ATP6V1G3: variants seen among roughly 807,000 people sequenced by gnomAD.
ATP6V1G3 encodes ATPase H+ transporting V1 subunit G3.
In ATP6V1G3, 9 loss-of-function variants were observed where a neutral mutation model predicts 9.3. That is an observed-to-expected ratio of 0.97 (90% confidence interval 0.59 to 1.69). The LOEUF is 1.69. Among genes scored for constraint, ATP6V1G3 ranks in the 40% most tolerant of loss-of-function variants. The probability of loss-of-function intolerance (pLI) is 0.00; values close to 1 mark genes in which losing one functional copy is unlikely to be tolerated. For missense variants in ATP6V1G3, 133 were observed against 139.0 expected, an observed-to-expected ratio of 0.96 and a Z score of 0.22; for synonymous variants, 43 against 43.8, an observed-to-expected ratio of 0.98 and a Z score of 0.07.
intron 1 of ATP6V1G3, among the ~76,000 whole-genome samples, chr1:198,538,045 G>A (rs1180692000): frequency 1.3e-5 from 2 of 152,170 alleles, no homozygotes; most frequent in Non-Finnish European, 2.9e-5. Context: ...AAGAGGACAG[G>A]CTGACATTCT....
chr1:198,532,187 T>C (rs983469622), intron 1 of ATP6V1G3, among the ~76,000 whole-genome samples: 1 of 152,134 alleles, frequency 6.6e-6, no homozygotes, highest in African/African-American at 2.4e-5. Context: ...GTTATAGCAA[T>C]GGGATTTAGA....
chr1:198,534,296 C>A (rs932437094), intron 1 of ATP6V1G3, among the ~76,000 whole-genome samples: 4 of 152,122 alleles, frequency 2.6e-5, no homozygotes, highest in African/African-American at 9.7e-5. Context: ...TCAGAGCAGA[C>A]ACACAGGGAG....
chr1:198,533,040 T>C (rs995297406), intron 1 of ATP6V1G3, among the ~76,000 whole-genome samples: 2 of 152,138 alleles, frequency 1.3e-5, no homozygotes, highest in Non-Finnish European at 2.9e-5. Flanking sequence ...GCACGGTGGC[T>C]CATGCCTGTA....
chr1:198,523,372 TGAAAAC>T lies in ATP6V1G3; in HGVS notation c.*13_*18del. On this transcript the variant is annotated 3_prime_UTR_variant, in exon 3 of 3. Transcript: ENST00000367382. ...GGCACTCACACACCTTTTTTTTTCTTGAAAACTGTGATGTACATTTAGTTGGTGGCT... is the reference window on the plus strand; with the variant it reads ...GGCACTCACACACCTTTTTTTTTCTTTGTGATGTACATTTAGTTGGTGGCT... 3 of 1,603,522 alleles carry T rather than the reference TGAAAAC, an allele frequency of 1.9e-6. No homozygotes were observed. Among genetic ancestry groups the T allele is most frequent in the Admixed American group, 3.4e-5 (2 of 58,042 alleles).
upstream of ATP6V1G3, chr1:198,540,917 A>G: frequency 2.1e-6 from 1 of 483,418 alleles, no homozygotes; most frequent in Non-Finnish European, 3.7e-6. Context: ...ATAAGGAGGT[A>G]TAAATGAGGT....
chr1:198,537,859 C>T (rs895839500), intron 1 of ATP6V1G3, among the ~76,000 whole-genome samples: 2 of 152,190 alleles, frequency 1.3e-5, no homozygotes, highest in African/African-American at 2.4e-5. Flanking sequence ...ACAAAAACCA[C>T]TGAAACATTA....
intron 1 of ATP6V1G3, among the ~76,000 whole-genome samples, chr1:198,537,513 A>C (rs1196857044): frequency 6.6e-6 from 1 of 152,204 alleles, no homozygotes; most frequent in African/African-American, 2.4e-5. Context: ...AATGGATTTA[A>C]GAAAGAGAAA....
At chr1:198,527,223 G>A (rs762096785) in intron 2 of ATP6V1G3, among the ~76,000 whole-genome samples, 1 of 152,162 alleles carries the variant, frequency 6.6e-6, no homozygotes, top group Admixed American at 6.6e-5. Context: ...GTCATGCCAA[G>A]GAGAGAAGAT....
At chr1:198,528,237 GTTA>G (rs1324600453) in intron 2 of ATP6V1G3, among the ~76,000 whole-genome samples, 1 of 152,002 alleles carries the variant, frequency 6.6e-6, no homozygotes, top group Non-Finnish European at 1.5e-5. Context: ...AAAAGGTTTT[GTTA>G]TTATGTGGTC....
At chr1:198,528,043 C>T (rs959887495) in intron 2 of ATP6V1G3, among the ~76,000 whole-genome samples, 2 of 151,984 alleles carry the variant, frequency 1.3e-5, no homozygotes, top group Non-Finnish European at 2.9e-5. Flanking sequence ...ACCAATATGG[C>T]TAGAACAGAA....
intron 1 of ATP6V1G3, among the ~76,000 whole-genome samples, chr1:198,534,311 G>T (rs1320894129): frequency 6.6e-6 from 1 of 152,170 alleles, no homozygotes; most frequent in African/African-American, 2.4e-5. Flanking sequence ...AGGGAGGAAG[G>T]CCATGTATTG....
intron 2 of ATP6V1G3, among the ~76,000 whole-genome samples, chr1:198,525,677 A>C (rs1348835985): frequency 6.6e-6 from 1 of 152,204 alleles, no homozygotes; most frequent in South Asian, 2.1e-4. Context: ...TATAAAAATT[A>C]TTACATTCTT....
chr1:198,523,709 A>C, intron 2 of ATP6V1G3, 145 bp from the exon 3 acceptor site: 1 of 690,172 alleles, frequency 1.4e-6, no homozygotes, highest in Non-Finnish European at 2.3e-6. Context: ...CAACAAGATC[A>C]TCAATGCCAT....
intron 1 of ATP6V1G3, 145 bp downstream of exon 1, chr1:198,540,424 A>G: frequency 1.3e-6 from 1 of 751,414 alleles, no homozygotes; most frequent in Non-Finnish European, 2.3e-6. Context: ...TGGCTGGGTA[A>G]TTTTAATGAA....
chr1:198,538,962 G>A (rs944591872), intron 1 of ATP6V1G3, among the ~76,000 whole-genome samples: 5 of 151,230 alleles, frequency 3.3e-5, no homozygotes, highest in South Asian at 2.1e-4. Flanking sequence ...TCTCTATGCC[G>A]CTTCAACCAC....
chr1:198,537,914 G>A (rs1001790430), intron 1 of ATP6V1G3, among the ~76,000 whole-genome samples: 10 of 152,154 alleles, frequency 6.6e-5, no homozygotes, highest in African/African-American at 2.2e-4. Flanking sequence ...TTTCTATTTT[G>A]CCATAGATCG....
intron 2 of ATP6V1G3, among the ~76,000 whole-genome samples, chr1:198,524,053 T>C (rs757870726): frequency 6.6e-6 from 1 of 152,140 alleles, no homozygotes; most frequent in Non-Finnish European, 1.5e-5. Flanking sequence ...AAATACATTA[T>C]CTGAACTGTA....
chr1:198,530,785 A>C (rs918928405), intron 1 of ATP6V1G3, among the ~76,000 whole-genome samples: 1 of 152,172 alleles, frequency 6.6e-6, no homozygotes. Context: ...GTTGGTAGGA[A>C]AAACTATTCC....
rs547741635 is a variant in ATP6V1G3, at chr1:198,539,304, T to A, written c.82+1265A>T. Among the ~76,000 whole-genome samples the A allele has an allele frequency of 4.5e-4, 68 of 152,358 alleles. 1 individual carries two copies. The highest frequency in any genetic ancestry group is 1.5e-3 in the African/African-American group (61 of 41,580). On this transcript the variant is annotated intron_variant, in intron 1 of 2. Coordinates refer to ENST00000367382, the MANE Select transcript of ATP6V1G3 (RefSeq NM_001376861.1). ...CTTCATTTCATTCATTACGTTTAAA[T>A]AATTCAGTACCTACTCCAATCCCAT...
Sources: gnomAD v4.1 joint callset for allele counts (sites outside exome capture counted in the v4.1 genomes callset) on GRCh38, gnomAD v4.1.1 for gene constraint, MANE v1.5 for transcripts, NCBI Gene and HGNC (gene_info 2026-07-23, HGNC 2026-07-21) for gene names.